BMERB1: variants seen among roughly 807,000 people sequenced by gnomAD.
BMERB1 encodes bMERB domain containing 1, also known as bMERB domain-containing protein 1.
A neutral mutation model predicts 23.6 loss-of-function variants in BMERB1; 12 were observed. The ratio of observed to expected loss-of-function variants is 0.51; its 90% CI spans 0.33 to 0.82. BMERB1 has a LOEUF of 0.82. Among genes scored for constraint, BMERB1 ranks in the 40% least tolerant of loss-of-function variants. The pLI is 0.03. For synonymous variants in BMERB1, 122 were observed against 96.6 expected, an observed-to-expected ratio of 1.26 and a Z score of -1.54; for missense variants, 247 against 255.4, an observed-to-expected ratio of 0.97 and a Z score of 0.22.
At chr16:15,519,432 C>G (rs1025260577) in intron 2 of BMERB1, among the ~76,000 whole-genome samples, 1 of 152,100 alleles carries the variant, frequency 6.6e-6, no homozygotes, top group African/African-American at 2.4e-5. Context: ...GCTCTGTCGC[C>G]CAGGCTGGAG....
chr16:15,459,110 G>GAAAC (rs952512217), intron 1 of BMERB1, among the ~76,000 whole-genome samples: 4 of 151,808 alleles, frequency 2.6e-5, no homozygotes, highest in African/African-American at 9.7e-5. Flanking sequence ...TCTGTCTCAA[G>GAAAC]AAACAAACAA....
chr16:15,501,090 A>G (rs556102590), intron 1 of BMERB1, among the ~76,000 whole-genome samples: 5 of 152,232 alleles, frequency 3.3e-5, no homozygotes, highest in East Asian at 1.9e-4. Context: ...CTTTAGATCT[A>G]TTGGATTAAA....
intron 2 of BMERB1, among the ~76,000 whole-genome samples, chr16:15,554,913 G>A (rs1264195550): frequency 3.3e-5 from 5 of 152,012 alleles, no homozygotes; most frequent in East Asian, 1.9e-4. Flanking sequence ...TGATCCGCCC[G>A]CCTCGGCCTC....
At chr16:15,444,791 G>C (rs762394650) in intron 1 of BMERB1, among the ~76,000 whole-genome samples, 3 of 152,156 alleles carry the variant, frequency 2.0e-5, no homozygotes, top group Non-Finnish European at 2.9e-5. Flanking sequence ...TCCTGGCTCT[G>C]GACTTTGAAT....
At position 15,587,079 on chromosome 16, in the gene BMERB1, T is replaced by C. The variant is rs935403885; in HGVS notation, c.*250T>C. On this transcript the variant is annotated 3_prime_UTR_variant, in exon 6 of 6. Coordinates refer to ENST00000300006, the MANE Select transcript of BMERB1 (RefSeq NM_033201.3). ...GAACCCAGGAGTCTGTCTCACTGTT[T>C]ATCCAAACACCAGGAAAGGTCCTCC... 2 of 491,378 alleles carry C rather than the reference T, an allele frequency of 4.1e-6. No homozygotes were observed. The highest frequency in any genetic ancestry group is 3.9e-5 in the African/African-American group (2 of 51,096). The allele number at this position is 491,378 out of a possible 1,614,324, so 30.4% of individuals were successfully genotyped here.
In BMERB1 at chr16:15,528,909, G is replaced by T. The variant is rs565731380; in HGVS notation, c.230+13481G>T. ...TTGTTTCTCCCTTTCACTGTGTGAG[G>T]ACACAGTGAGAACTCACTATCTATG... On this transcript the variant is annotated intron_variant, in intron 2 of 5. Transcript: ENST00000300006. Among the ~76,000 whole-genome samples the T allele has an allele frequency of 2.0e-5, 3 of 152,262 alleles. No homozygotes were observed. In the South Asian group the frequency reaches 6.2e-4, roughly 32 times the overall value.
chr16:15,543,657 CA>C (rs199673053), intron 2 of BMERB1, among the ~76,000 whole-genome samples: 2,244 of 152,102 alleles, frequency 0.015, 62 homozygotes, highest in African/African-American at 0.052. Context: ...CTCCTCTCTA[CA>C]AAAAATTTTG....
rs751108414 is a variant in BMERB1, at chr16:15,567,986, G to C, written c.234G>C (p.Met78Ile). 3 of 1,612,796 alleles carry C rather than the reference G, an allele frequency of 1.9e-6. No individual in the cohort carries two copies. Among genetic ancestry groups the C allele is most frequent in the Non-Finnish European group, 2.5e-6 (3 of 1,179,062 alleles). Residue 78 changes from methionine to isoleucine, a missense_variant, in exon 3 of 6, where the codon ATG becomes ATC. Transcript: ENST00000300006. Reference sequence around the variant, plus strand: ...TGATGGTGTCCTGTTTCCCCAGGATGGATGACATCCAGCTCTGCAAGGACA... The same window carrying C: ...TGATGGTGTCCTGTTTCCCCAGGATCGATGACATCCAGCTCTGCAAGGACA... Reference protein sequence around the residue: ...VRRESELRFMMDDIQLCKDIM... With the variant: ...VRRESELRFMIDDIQLCKDIM...
chr16:15,486,054 C>A (rs2051365633), intron 1 of BMERB1, among the ~76,000 whole-genome samples: 1 of 151,912 alleles, frequency 6.6e-6, no homozygotes, highest in African/African-American at 2.4e-5. Flanking sequence ...CCAGGCTGGC[C>A]AACATGGTGA....
rs545561216 is a variant in BMERB1 at position 15,539,260 on chromosome 16, G to C, written c.230+23832G>C. Among the ~76,000 whole-genome samples, 3 of 152,216 alleles carry C rather than the reference G, an allele frequency of 2.0e-5. No homozygotes were observed. The South Asian group carries it at 6.2e-4, about 32-fold the overall frequency. On this transcript the variant is annotated intron_variant, in intron 2 of 5. Coordinates refer to ENST00000300006, the MANE Select transcript of BMERB1 (RefSeq NM_033201.3). The stretch of plus-strand genomic sequence containing the variant: ...TCCCTCACATGCACAGTTCACAATA[G>C]GGTTTGCACTCCTATGAGAATCTAA...
chr16:15,449,621 A>C (rs973618123), intron 1 of BMERB1, among the ~76,000 whole-genome samples: 1 of 151,790 alleles, frequency 6.6e-6, no homozygotes. Context: ...TCTCAGCTCA[A>C]TGCAACCTCT....
At chr16:15,575,599 A>G (rs763291415) in intron 3 of BMERB1, among the ~76,000 whole-genome samples, 1 of 152,184 alleles carries the variant, frequency 6.6e-6, no homozygotes, top group Non-Finnish European at 1.5e-5. Context: ...AAACAAAATA[A>G]GCGAGGAAAG....
chr16:15,548,337 C>T (rs765019821), intron 2 of BMERB1, among the ~76,000 whole-genome samples: 3 of 152,142 alleles, frequency 2.0e-5, no homozygotes, highest in Non-Finnish European at 4.4e-5. Context: ...TCATCATCAT[C>T]GCCACAGGTA....
At chr16:15,535,745 C>G (rs183613281) in intron 2 of BMERB1, among the ~76,000 whole-genome samples, 1 of 150,954 alleles carries the variant, frequency 6.6e-6, no homozygotes, top group Admixed American at 6.6e-5. Flanking sequence ...CATTTTCACA[C>G]TGGAAAAAAA....
intron 2 of BMERB1, among the ~76,000 whole-genome samples, chr16:15,564,949 G>T (rs1300847198): frequency 6.6e-6 from 1 of 151,692 alleles, no homozygotes; most frequent in Non-Finnish European, 1.5e-5. Flanking sequence ...AAGCCAGGAA[G>T]AACAACTTTG....
intron 1 of BMERB1, among the ~76,000 whole-genome samples, chr16:15,483,438 G>T (rs1003192772): frequency 3.3e-5 from 5 of 152,098 alleles, no homozygotes; most frequent in African/African-American, 1.2e-4. Context: ...GGAGTGCAAT[G>T]GCATGATCTC....
At chr16:15,547,086 C>A (rs1361187458) in intron 2 of BMERB1, among the ~76,000 whole-genome samples, 1 of 150,452 alleles carries the variant, frequency 6.6e-6, no homozygotes, top group Non-Finnish European at 1.5e-5. Flanking sequence ...GATCTCTGCT[C>A]ACTACAACCT....
chr16:15,569,830 T>G (rs2030678962), intron 3 of BMERB1, among the ~76,000 whole-genome samples: 1 of 152,200 alleles, frequency 6.6e-6, no homozygotes, highest in Non-Finnish European at 1.5e-5. Flanking sequence ...ACCTCTGGAA[T>G]AATGGCAGTA....
rs538015333 is a variant in BMERB1 at position 15,450,134 on chromosome 16, A to T, written c.106+15375A>T. ...GCCCCTGTTGCGACCACTCAGCTCT[A>T]CCACCGTACTCCAAAGCTGTAGCCT... On this transcript the variant is annotated intron_variant, in intron 1 of 5. Transcript: ENST00000300006. Among the ~76,000 whole-genome samples, 5 of 152,010 alleles carry T rather than the reference A, an allele frequency of 3.3e-5. No homozygotes were observed. In the South Asian group the frequency reaches 1.0e-3, roughly 32 times the overall value.
Sources: allele counts gnomAD v4.1 joint callset (sites outside exome capture counted in the v4.1 genomes callset), GRCh38; gene constraint gnomAD v4.1.1; transcripts MANE v1.5; gene names NCBI Gene and HGNC (gene_info 2026-07-23, HGNC 2026-07-21).